The following PKHD1 variants were observed in gnomAD, a reference collection of about 807,000 sequenced individuals.
PKHD1 encodes fibrocystin.
A neutral mutation model predicts 412.0 loss-of-function variants in PKHD1; 291 were observed. That is an observed-to-expected ratio of 0.71 (90% confidence interval 0.64 to 0.78). The LOEUF (loss-of-function observed/expected upper bound fraction) is 0.78. Ranked by LOEUF, PKHD1 falls within the 30% of genes least tolerant of loss-of-function variation. PKHD1 has a pLI of 0.00. For synonymous variants in PKHD1, 1,777 were observed against 1,821.5 expected (o/e 0.98, Z 0.62); for missense variants, 4,825 against 4,950.7 (o/e 0.97, Z 0.76).
intron 60 of PKHD1, among the ~76,000 whole-genome samples, chr6:51,740,325 T>A (rs1784410655): frequency 6.6e-6 from 1 of 152,214 alleles, no homozygotes; most frequent in Admixed American, 6.5e-5. Flanking sequence ...GACAATATGC[T>A]GGGACCTGTG....
intron 37 of PKHD1, among the ~76,000 whole-genome samples, chr6:51,921,389 C>T (rs984004985): frequency 9.9e-5 from 15 of 152,176 alleles, no homozygotes; most frequent in Non-Finnish European, 1.0e-4. Context: ...TTTGGTGAAT[C>T]TGACAATTAT....
At chr6:51,707,551 A>G (rs1329294537) in intron 60 of PKHD1, among the ~76,000 whole-genome samples, 1 of 152,174 alleles carries the variant, frequency 6.6e-6, no homozygotes, top group African/African-American at 2.4e-5. Flanking sequence ...ATCTTAACAG[A>G]TCCTTTCCCC....
intron 16 of PKHD1, among the ~76,000 whole-genome samples, chr6:52,057,922 C>T (rs1034943719): frequency 6.6e-6 from 1 of 152,172 alleles, no homozygotes; most frequent in Non-Finnish European, 1.5e-5. Context: ...AAGGACATGA[C>T]CTTTTCAAAG....
At position 52,078,520 on chromosome 6, in the gene PKHD1, TC is replaced by T. The variant is rs549641822; in HGVS notation, c.390+1379del. Among the ~76,000 whole-genome samples, 435 of 152,242 alleles carry T rather than the reference TC, an allele frequency of 2.9e-3. 3 individuals are homozygous for T. The highest frequency in any genetic ancestry group is 0.01 in the African/African-American group (423 of 41,552). ...GGGATTAATTTTTAATACTCATGGT[TC>T]CCCAGTCCCAGTCCCAAAACAAAGA... On this transcript the variant is annotated intron_variant, in intron 5 of 66. Coordinates refer to ENST00000371117, the MANE Select transcript of PKHD1 (RefSeq NM_138694.4).
At position 52,043,629 on chromosome 6, in the gene PKHD1, G is replaced by A. The variant is rs745591932; in HGVS notation, c.2817C>T (p.Ser939=). 24 of 1,604,312 alleles carry A rather than the reference G, an allele frequency of 1.5e-5. No individual in the cohort carries two copies. In the East Asian group the frequency reaches 1.6e-4, roughly 10 times the overall value. Residue 939 remains serine (S), a synonymous_variant, in exon 26 of 67, where the codon TCC becomes TCT. Coordinates refer to ENST00000371117, the MANE Select transcript of PKHD1 (RefSeq NM_138694.4). ...GAGCCAAGTGACAAATCATACCAAT[G>A]GAGTACCACACAGAATGGACACAGG... The part of the protein sequence containing the change: ...STPCVHSVWY[S]IDGDINLMIY...
intron 35 of PKHD1, among the ~76,000 whole-genome samples, chr6:52,001,122 A>G (rs904735293): frequency 3.3e-5 from 5 of 152,348 alleles, no homozygotes; most frequent in African/African-American, 9.6e-5. Context: ...ACCCATTCAT[A>G]TGATTCTAAA....
At chr6:51,766,861 C>A (rs989910074) in intron 55 of PKHD1, among the ~76,000 whole-genome samples, 1 of 151,844 alleles carries the variant, frequency 6.6e-6, no homozygotes, top group South Asian at 2.1e-4. Context: ...AAATATTGAC[C>A]TTGTTATATT....
intron 62 of PKHD1, 51 bp downstream of exon 62, chr6:51,649,034 G>A (rs536741616): frequency 1.3e-6 from 2 of 1,556,306 alleles, no homozygotes; most frequent in African/African-American, 1.4e-5. Context: ...TAGGCTGAAT[G>A]CTACATGCTA....
intron 52 of PKHD1, among the ~76,000 whole-genome samples, chr6:51,806,112 T>C (rs1330612674): frequency 6.6e-6 from 1 of 151,936 alleles, no homozygotes; most frequent in Non-Finnish European, 1.5e-5. Flanking sequence ...TTAGGAGATA[T>C]ACCTAATGTT....
chr6:51,841,142 G>C (rs1443287626), intron 50 of PKHD1, among the ~76,000 whole-genome samples: 2 of 152,114 alleles, frequency 1.3e-5, no homozygotes, highest in Non-Finnish European at 2.9e-5. Flanking sequence ...CTTATAAATT[G>C]AAAGAAGAAG....
intron 60 of PKHD1, among the ~76,000 whole-genome samples, chr6:51,663,679 G>A (rs971372951): frequency 1.3e-5 from 2 of 152,086 alleles, no homozygotes; most frequent in Admixed American, 6.6e-5. Flanking sequence ...CTTGTCAGGT[G>A]TCTAATTATA....
At position 52,082,600 on chromosome 6, in the gene PKHD1, G is replaced by A. The variant is rs528048157; in HGVS notation, c.131-58C>T. 28 of 1,536,454 alleles carry A rather than the reference G, an allele frequency of 1.8e-5. No individual in the cohort carries two copies. In the East Asian group the frequency reaches 5.8e-4, roughly 32 times the overall value. ...AGAATTGTCATTGACACAGGACAGT[G>A]TGAAACTGTGCTAAGATCCTGGGGG... On this transcript the variant is annotated intron_variant, in intron 3 of 66. Transcript: ENST00000371117.
intron 60 of PKHD1, among the ~76,000 whole-genome samples, chr6:51,719,172 A>C (rs956342598): frequency 1.3e-5 from 2 of 152,148 alleles, no homozygotes; most frequent in Non-Finnish European, 1.5e-5. Flanking sequence ...GTAGTATAAT[A>C]AAGAGTGTGC....
intron 61 of PKHD1, among the ~76,000 whole-genome samples, chr6:51,652,526 T>C (rs1052645845): frequency 1.1e-4 from 17 of 152,058 alleles, no homozygotes; most frequent in Admixed American, 7.2e-4. Context: ...TTTGATTGAA[T>C]GCTTCATGAT....
At chr6:51,696,001 C>T (rs183835185) in intron 60 of PKHD1, among the ~76,000 whole-genome samples, 1 of 152,266 alleles carries the variant, frequency 6.6e-6, no homozygotes, top group Admixed American at 6.5e-5. Context: ...CACTGGGGCT[C>T]CCAAAACTAC....
Position 51,975,451 on chromosome 6 carries a change from A to G in PKHD1, c.5752-15425T>C, listed in dbSNP as rs930440271. 2.3e-4 allele frequency among the ~76,000 whole-genome samples: 35 copies of G among 152,236 alleles called. 1 individual carries two copies. The highest frequency in any genetic ancestry group is 8.4e-4 in the African/African-American group (35 of 41,562). On this transcript the variant is annotated intron_variant, in intron 35 of 66. Coordinates refer to ENST00000371117, the MANE Select transcript of PKHD1 (RefSeq NM_138694.4). ...GAACTTCCATAGCTCAACAACAACC[A>G]TAACAACAAAACCTGATTTTTAAAG... is the stretch of plus-strand genomic sequence containing the variant.
intron 36 of PKHD1, among the ~76,000 whole-genome samples, chr6:51,947,951 A>T (rs1789727907): frequency 6.6e-6 from 1 of 152,048 alleles, no homozygotes; most frequent in East Asian, 1.9e-4. Flanking sequence ...CATTCCATGA[A>T]TGGTAACTTC....
At chr6:51,692,468 A>G (rs1778291028) in intron 60 of PKHD1, among the ~76,000 whole-genome samples, 1 of 152,174 alleles carries the variant, frequency 6.6e-6, no homozygotes, top group South Asian at 2.1e-4. Context: ...TCTCAAACAA[A>G]TCTGAGGACA....
chr6:51,760,228 T>C (rs1787766872), intron 55 of PKHD1, among the ~76,000 whole-genome samples: 1 of 152,080 alleles, frequency 6.6e-6, no homozygotes, highest in Non-Finnish European at 1.5e-5. Context: ...ACCAAGAAGC[T>C]CAATAAGTTC....
Sources: gnomAD v4.1 joint callset for allele counts (sites outside exome capture counted in the v4.1 genomes callset) on GRCh38, gnomAD v4.1.1 for gene constraint, MANE v1.5 for transcripts, NCBI Gene and HGNC (gene_info 2026-07-23, HGNC 2026-07-21) for gene names.